PCDH15: variants seen among roughly 807,000 people sequenced by gnomAD.
PCDH15 encodes protocadherin related 15, also known as protocadherin-15.
In PCDH15, 129 loss-of-function variants were observed where a neutral mutation model predicts 178.5. That is an observed-to-expected ratio of 0.72 (90% CI 0.63 to 0.84). PCDH15 has a LOEUF of 0.84. Among genes scored for constraint, PCDH15 ranks in the 40% least tolerant of loss-of-function variants. The pLI is 0.00. For synonymous variants in PCDH15, 800 were observed against 732.0 expected (o/e 1.09, Z -1.50); for missense variants, 2,230 against 2,099.9 (o/e 1.06, Z -1.21).
intron 3 of PCDH15, among the ~76,000 whole-genome samples, chr10:54,509,326 T>C (rs2081441112): frequency 6.6e-6 from 1 of 152,116 alleles, no homozygotes; most frequent in African/African-American, 2.4e-5. Context: ...TGAGATCTGA[T>C]GGTTTTATAA....
chr10:54,057,056 G>C (rs1223243364), intron 18 of PCDH15, among the ~76,000 whole-genome samples: 1 of 152,190 alleles, frequency 6.6e-6, no homozygotes, highest in African/African-American at 2.4e-5. Context: ...GCTTTGGGCA[G>C]CTCCACCCCT....
chr10:54,428,732 G>A (rs1382246984), intron 3 of PCDH15, among the ~76,000 whole-genome samples: 2 of 152,192 alleles, frequency 1.3e-5, no homozygotes, highest in African/African-American at 4.8e-5. Flanking sequence ...TGGAGCTTCA[G>A]TATATCTGGC....
Position 54,023,037 on chromosome 10 carries a change from C to G in PCDH15, c.2381G>C (p.Gly794Ala), listed in dbSNP as rs146468805. The part of the protein sequence containing the change: ...YYELVVVATD[G>A]AVHPRHSTLT... ...AGTTGAATGACGAGGGTGTACTGCT[C>G]CATCTGTTGCCACAACAACAAGTTC... The change falls in exon 19 of 38, where the codon GGA becomes GCA. Residue 794 changes from glycine (G) to alanine (A), a missense_variant. Coordinates refer to ENST00000644397, the MANE Select transcript of PCDH15 (RefSeq NM_001384140.1). 1.2e-6 allele frequency: 2 copies of G among 1,613,910 alleles called. No homozygotes were observed. The highest frequency in any genetic ancestry group is 2.7e-5 in the African/African-American group (2 of 75,014).
intron 3 of PCDH15, among the ~76,000 whole-genome samples, chr10:54,896,415 G>C (rs1318280654): frequency 6.6e-6 from 1 of 151,818 alleles, no homozygotes; most frequent in Non-Finnish European, 1.5e-5. Flanking sequence ...GAAAGTTCTG[G>C]TGAGAATATA....
chr10:54,522,196 G>A (rs925757573), intron 3 of PCDH15, among the ~76,000 whole-genome samples: 14 of 150,892 alleles, frequency 9.3e-5, no homozygotes, highest in African/African-American at 3.2e-4. Flanking sequence ...ATGACATTGA[G>A]TGATGAAAAA....
At chr10:54,547,087 T>C (rs2085943661) in intron 2 of PCDH15, among the ~76,000 whole-genome samples, 1 of 152,164 alleles carries the variant, frequency 6.6e-6, no homozygotes, top group South Asian at 2.1e-4. Flanking sequence ...TGCTATATTA[T>C]AAAACTTCAA....
intron 1 of PCDH15, among the ~76,000 whole-genome samples, chr10:55,171,221 A>G (rs1030593544): frequency 6.6e-6 from 1 of 152,204 alleles, no homozygotes; most frequent in African/African-American, 2.4e-5. Context: ...GTCTGTAGTC[A>G]TGTCAAAATT....
chr10:55,433,233 G>T (rs1838934180), intron 2 of PCDH15, among the ~76,000 whole-genome samples: 1 of 152,130 alleles, frequency 6.6e-6, no homozygotes, highest in East Asian at 1.9e-4. Flanking sequence ...ATAAAGAAAA[G>T]GTGGTATGTA....
At chr10:54,463,568 T>G (rs2077331153) in intron 3 of PCDH15, among the ~76,000 whole-genome samples, 1 of 152,122 alleles carries the variant, frequency 6.6e-6, no homozygotes, top group Non-Finnish European at 1.5e-5. Flanking sequence ...CATCTTCCAG[T>G]GGGAAGCCAA....
At chr10:55,352,599 A>G (rs1467213892) in intron 2 of PCDH15, among the ~76,000 whole-genome samples, 2 of 152,200 alleles carry the variant, frequency 1.3e-5, no homozygotes, top group Non-Finnish European at 2.9e-5. Context: ...TTTGAAGCAA[A>G]TAGAAAAGTG....
At chr10:55,620,308 AT>A (rs1261102643) in intron 2 of PCDH15, among the ~76,000 whole-genome samples, 2,797 of 146,322 alleles carry the variant, frequency 0.019, 53 homozygotes, top group African/African-American at 0.049. Flanking sequence ...TTGAAAAACT[AT>A]TTTTTTTTTT....
At chr10:54,449,165 T>C (rs137971578) in intron 3 of PCDH15, among the ~76,000 whole-genome samples, 190 of 151,844 alleles carry the variant, frequency 1.3e-3, no homozygotes, top group African/African-American at 4.4e-3. Context: ...CCCCATTAAA[T>C]ACCAGAACTC....
chr10:53,838,979 C>T (rs952847856), intron 29 of PCDH15, among the ~76,000 whole-genome samples: 1 of 151,864 alleles, frequency 6.6e-6, no homozygotes, highest in Non-Finnish European at 1.5e-5. Context: ...CCAAGGCGGG[C>T]GGATCACCAG....
intron 2 of PCDH15, among the ~76,000 whole-genome samples, chr10:54,637,237 T>C (rs1302820304): frequency 6.6e-6 from 1 of 151,942 alleles, no homozygotes; most frequent in Non-Finnish European, 1.5e-5. Flanking sequence ...ATGAGTTTTC[T>C]TGTCAGTATC....
intron 2 of PCDH15, among the ~76,000 whole-genome samples, chr10:55,162,858 C>T (rs1839100823): frequency 6.6e-6 from 1 of 152,134 alleles, no homozygotes; most frequent in African/African-American, 2.4e-5. Flanking sequence ...TAGTATTACA[C>T]AACTTAGGCT....
chr10:55,476,985 T>C (rs557787279), intron 2 of PCDH15, among the ~76,000 whole-genome samples: 5 of 152,044 alleles, frequency 3.3e-5, no homozygotes, highest in African/African-American at 1.2e-4. Flanking sequence ...ATGATACTTC[T>C]TCGACAAATA....
chr10:55,627,102 A>T (rs1837544624), intron 2 of PCDH15, among the ~76,000 whole-genome samples: 1 of 152,126 alleles, frequency 6.6e-6, no homozygotes, highest in Admixed American at 6.5e-5. Context: ...AATGTCTTTG[A>T]TATCCTCCAA....
At position 53,804,120 on chromosome 10, in the gene PCDH15, T is replaced by C. The variant is rs765136483; in HGVS notation, c.*2459A>G. ...TTTGCTGCTCTACGTTACCCAAAAA[T>C]ATACTGACCAAATATTTGGTTTGGT... On this transcript the variant is annotated 3_prime_UTR_variant, in exon 38 of 38. Coordinates refer to ENST00000644397, the MANE Select transcript of PCDH15 (RefSeq NM_001384140.1). The C allele has an allele frequency of 2.6e-5, 4 of 152,050 alleles. No homozygotes were observed. The highest frequency in any genetic ancestry group is 1.9e-4 in the East Asian group (1 of 5,176). 9.4% of individuals were successfully genotyped at this position (152,050 alleles called of 1,614,324 possible). A position where few individuals can be genotyped will look rare whatever the true frequency, so the allele number is the denominator to read the frequency against.
intron 3 of PCDH15, among the ~76,000 whole-genome samples, chr10:54,390,405 G>C (rs1950412770): frequency 6.6e-6 from 1 of 152,096 alleles, no homozygotes; most frequent in Non-Finnish European, 1.5e-5. Context: ...CCATTCTTCT[G>C]CCTCAGCCTC....
Sources: allele counts gnomAD v4.1 joint callset (sites outside exome capture counted in the v4.1 genomes callset), GRCh38; gene constraint gnomAD v4.1.1; transcripts MANE v1.5; gene names NCBI Gene and HGNC (gene_info 2026-07-23, HGNC 2026-07-21).